The following BABAM2 variants were observed in gnomAD, a reference collection of about 807,000 sequenced individuals.
BABAM2 encodes the protein BRISC and BRCA1-A complex member 2.
BABAM2 carries 31 observed loss-of-function variants against 54.7 expected under a neutral mutation model. That is an observed-to-expected ratio of 0.57 (90% CI 0.43 to 0.77). BABAM2 has a LOEUF of 0.77. Among genes scored for constraint, BABAM2 ranks in the 30% least tolerant of loss-of-function variants. The pLI, the probability that BABAM2 is intolerant of heterozygous loss-of-function variation, is 0.00. For missense variants in BABAM2, 364 were observed against 455.8 expected, an observed-to-expected ratio of 0.80 and a Z score of 1.83; for synonymous variants, 167 against 162.9, an observed-to-expected ratio of 1.03 and a Z score of -0.19.
At chr2:28,241,773 G>A (rs1335852534) in intron 9 of BABAM2, among the ~76,000 whole-genome samples, 10 of 151,508 alleles carry the variant, frequency 6.6e-5, no homozygotes, top group East Asian at 3.9e-4. Flanking sequence ...GATTACAGGC[G>A]TGAGCCACCA....
At chr2:28,005,027 C>G (rs1436010066) in intron 4 of BABAM2, among the ~76,000 whole-genome samples, 1 of 152,092 alleles carries the variant, frequency 6.6e-6, no homozygotes, top group Non-Finnish European at 1.5e-5. Flanking sequence ...ATTTTACTTT[C>G]AACTACTATC....
At chr2:28,143,861 A>T (rs570026999) in intron 7 of BABAM2, among the ~76,000 whole-genome samples, 1 of 152,300 alleles carries the variant, frequency 6.6e-6, no homozygotes, top group East Asian at 1.9e-4. Flanking sequence ...AGGATCAGAA[A>T]CTTACCTGAG....
intron 6 of BABAM2, among the ~76,000 whole-genome samples, chr2:28,109,274 C>T (rs1302863433): frequency 6.7e-6 from 1 of 149,932 alleles, no homozygotes; most frequent in Non-Finnish European, 1.5e-5. Flanking sequence ...CCGCAAGCTC[C>T]ACCTCCTGGG....
intron 3 of BABAM2, among the ~76,000 whole-genome samples, chr2:27,972,773 CTTT>C (rs11383917): frequency 7.2e-6 from 1 of 138,438 alleles, no homozygotes; most frequent in African/African-American, 2.7e-5. Flanking sequence ...TAATTATTAG[CTTT>C]TTTTTTTTTT....
chr2:28,025,708 T>C (rs1431589035), intron 5 of BABAM2, among the ~76,000 whole-genome samples: 1 of 152,210 alleles, frequency 6.6e-6, no homozygotes, highest in Non-Finnish European at 1.5e-5. Flanking sequence ...CCAGCCTCCA[T>C]GTTGTTATGA....
chr2:28,194,352 C>T (rs183362944), intron 7 of BABAM2, among the ~76,000 whole-genome samples: 6 of 152,114 alleles, frequency 3.9e-5, no homozygotes, highest in African/African-American at 1.4e-4. Flanking sequence ...CTTGTGAAGC[C>T]GTGTTGGTGG....
intron 7 of BABAM2, among the ~76,000 whole-genome samples, chr2:28,164,751 C>A (rs776218339): frequency 6.6e-6 from 1 of 152,046 alleles, no homozygotes. Context: ...TGTATCTTGG[C>A]GCTTCTTCCC....
chr2:28,231,785 CTTTTTTTTTTTTTTTTTTTTT>C (rs549515372), intron 7 of BABAM2, among the ~76,000 whole-genome samples: 21,545 of 58,032 alleles, frequency 0.37, 2,480 homozygotes, highest in Admixed American at 0.39. Flanking sequence ...AGAGAGATGT[CTTTTTTTTTTTTTTTTTTTTT>C]TTTTTTTTTT....
chr2:28,258,503 A>G (rs1194394400), intron 10 of BABAM2, among the ~76,000 whole-genome samples: 1 of 151,818 alleles, frequency 6.6e-6, no homozygotes, highest in Admixed American at 6.6e-5. Context: ...TGTGGCTTCA[A>G]TTTGCAATTC....
Position 27,953,997 on chromosome 2 carries a change from C to T in BABAM2, c.205+24089C>T, listed in dbSNP as rs556200600. On this transcript the variant is annotated intron_variant, in intron 3 of 11. Transcript: ENST00000379624. Reference sequence around the variant, plus strand: ...CAGTCTGAATAAAATTTGTTTCATCCCTCCTTGGCCCTTAGAAATTAGAGT... The same window carrying T: ...CAGTCTGAATAAAATTTGTTTCATCTCTCCTTGGCCCTTAGAAATTAGAGT... Among the ~76,000 whole-genome samples the T allele has an allele frequency of 1.4e-4, 21 of 152,198 alleles. 1 individual carries two copies. In the South Asian group the frequency reaches 4.1e-3, roughly 30 times the overall value.
chr2:28,260,865 A>T (rs1277149022), intron 10 of BABAM2, among the ~76,000 whole-genome samples: 1 of 151,798 alleles, frequency 6.6e-6, no homozygotes, highest in Non-Finnish European at 1.5e-5. Context: ...AGTCTTGCAC[A>T]TCTTTTGTTA....
intron 10 of BABAM2, among the ~76,000 whole-genome samples, chr2:28,272,728 C>T (rs1035058452): frequency 6.6e-6 from 1 of 152,142 alleles, no homozygotes; most frequent in Non-Finnish European, 1.5e-5. Flanking sequence ...TCAAGCTGCT[C>T]ATTGCCTGGC....
At chr2:28,151,954 G>A (rs553611125) in intron 7 of BABAM2, among the ~76,000 whole-genome samples, 9 of 152,230 alleles carry the variant, frequency 5.9e-5, no homozygotes, top group African/African-American at 2.2e-4. Context: ...GTTTGCATGG[G>A]GTGACAACTG....
chr2:28,148,327 T>C (rs1387573), intron 7 of BABAM2, among the ~76,000 whole-genome samples: 18,604 of 152,194 alleles, frequency 0.12, 1,537 homozygotes, highest in African/African-American at 0.23. Flanking sequence ...TTATTAAGCT[T>C]ATGCATTTTT....
chr2:28,242,808 C>G (rs1457799884), intron 9 of BABAM2, among the ~76,000 whole-genome samples: 1 of 152,076 alleles, frequency 6.6e-6, no homozygotes, highest in Non-Finnish European at 1.5e-5. Context: ...TGTCAATAAC[C>G]AAACAGTATG....
chr2:28,114,283 GC>G (rs2148734852), intron 6 of BABAM2, among the ~76,000 whole-genome samples: 1 of 152,222 alleles, frequency 6.6e-6, no homozygotes, highest in Admixed American at 6.5e-5. Flanking sequence ...CATCGTCTCA[GC>G]CCCAAAACTC....
At chr2:28,244,459 CTTAT>C (rs68103541) in intron 9 of BABAM2, among the ~76,000 whole-genome samples, 99,574 of 151,628 alleles carry the variant, frequency 0.66, 35,051 homozygotes, top group East Asian at 0.99. Context: ...TATGATTTAT[CTTAT>C]TTGTTTTTCA....
chr2:28,133,891 C>T (rs1670299611), intron 7 of BABAM2, among the ~76,000 whole-genome samples: 1 of 152,242 alleles, frequency 6.6e-6, no homozygotes, highest in East Asian at 1.9e-4. Flanking sequence ...AATGTGATCC[C>T]ACTTCTGAAG....
chr2:28,041,206 C>T (rs986840498), intron 5 of BABAM2, among the ~76,000 whole-genome samples: 1 of 151,986 alleles, frequency 6.6e-6, no homozygotes, highest in Non-Finnish European at 1.5e-5. Context: ...TAAAATCAGG[C>T]ATATATATAT....
Sources: gnomAD v4.1 joint callset for allele counts (sites outside exome capture counted in the v4.1 genomes callset) on GRCh38, gnomAD v4.1.1 for gene constraint, MANE v1.5 for transcripts, NCBI Gene and HGNC (gene_info 2026-07-23, HGNC 2026-07-21) for gene names.